ZFYVE28: variants seen among roughly 807,000 people sequenced by gnomAD.
The protein encoded by ZFYVE28 is zinc finger FYVE-type containing 28.
A neutral mutation model predicts 82.1 loss-of-function variants in ZFYVE28; 40 were observed. The observed-to-expected ratio is 0.49, with a 90% confidence interval of 0.38 to 0.63. The LOEUF (loss-of-function observed/expected upper bound fraction) is 0.63. ZFYVE28 is among the 30% of genes least tolerant of loss of function. The pLI is 0.00. For synonymous variants in ZFYVE28, 612 were observed against 546.1 expected, an observed-to-expected ratio of 1.12 and a Z score of -1.68; for missense variants, 1,321 against 1,242.1, an observed-to-expected ratio of 1.06 and a Z score of -0.96.
At chr4:2,302,626 G>T (rs1420244333) in intron 8 of ZFYVE28, among the ~76,000 whole-genome samples, 1 of 152,202 alleles carries the variant, frequency 6.6e-6, no homozygotes, top group African/African-American at 2.4e-5. Context: ...CGCTCACAGG[G>T]ATCCACCCAG....
At chr4:2,273,400 G>A (rs1017494729) in intron 9 of ZFYVE28, 111 bp from the exon 10 acceptor site, 9 of 909,420 alleles carry the variant, frequency 9.9e-6, no homozygotes, top group African/African-American at 3.3e-5. Context: ...CCAGGCCAGC[G>A]TGTTCTCAGA....
At chr4:2,284,100 C>G (rs953293096) in intron 8 of ZFYVE28, among the ~76,000 whole-genome samples, 2 of 152,180 alleles carry the variant, frequency 1.3e-5, no homozygotes, top group African/African-American at 4.8e-5. Flanking sequence ...TTGGAGCCCC[C>G]GCATCCACAT....
At chr4:2,403,902 G>C (rs1393070015) in intron 1 of ZFYVE28, among the ~76,000 whole-genome samples, 1 of 151,622 alleles carries the variant, frequency 6.6e-6, no homozygotes, top group Non-Finnish European at 1.5e-5. Flanking sequence ...CCGAGAGGCA[G>C]AGGTTGCAGC....
intron 1 of ZFYVE28, among the ~76,000 whole-genome samples, chr4:2,395,431 G>A (rs1466505871): frequency 1.3e-5 from 2 of 152,208 alleles, no homozygotes; most frequent in African/African-American, 4.8e-5. Context: ...CCCTTCATAA[G>A]CCCCAGGGGG....
chr4:2,297,871 G>C (rs1455895817), intron 8 of ZFYVE28, among the ~76,000 whole-genome samples: 1 of 140,122 alleles, frequency 7.1e-6, no homozygotes, highest in Non-Finnish European at 1.5e-5. Context: ...TGGGAGGAAC[G>C]GCAGAGGACG....
chr4:2,403,438 C>T (rs1213956960), intron 1 of ZFYVE28, among the ~76,000 whole-genome samples: 2 of 152,254 alleles, frequency 1.3e-5, no homozygotes. Context: ...CCTGGCCATC[C>T]CTGGATCGTG....
chr4:2,351,523 G>A (rs1724441442), intron 2 of ZFYVE28, among the ~76,000 whole-genome samples: 1 of 152,164 alleles, frequency 6.6e-6, no homozygotes, highest in South Asian at 2.1e-4. Context: ...AGACCAGCCT[G>A]GCCAACATGG....
chr4:2,336,562 G>GCC (rs60047777), intron 5 of ZFYVE28, among the ~76,000 whole-genome samples: 57 of 151,568 alleles, frequency 3.8e-4, no homozygotes, highest in African/African-American at 1.0e-3. Flanking sequence ...GCTTCCCCCT[G>GCC]CCCCCCCCAC....
chr4:2,300,416 T>A lies in ZFYVE28; in HGVS notation c.2051+3873A>T, dbSNP rs1199079084. On this transcript the variant is annotated intron_variant, in intron 8 of 12. Transcript: ENST00000290974. The surrounding 1 kb of genome is among the most constrained non-coding windows in gnomAD (Gnocchi z 4.6). ...GAAGGTCGGAAAGAAGCCAGTAAAA[T>A]GAAAAGAGCTGAAGGGCGTAGGTTC... 1.3e-5 allele frequency among the ~76,000 whole-genome samples: 2 copies of A among 151,710 alleles called. No individual in the cohort carries two copies. Among genetic ancestry groups the A allele is most frequent in the Admixed American group, 1.3e-4 (2 of 15,240 alleles).
chr4:2,321,013 C>G (rs979198309), intron 6 of ZFYVE28, among the ~76,000 whole-genome samples: 2 of 152,078 alleles, frequency 1.3e-5, no homozygotes, highest in Non-Finnish European at 2.9e-5. Context: ...TCCGAGTGTG[C>G]CTTGATCATC....
At chr4:2,303,048 C>A (rs1364174509) in intron 8 of ZFYVE28, among the ~76,000 whole-genome samples, 2 of 152,204 alleles carry the variant, frequency 1.3e-5, no homozygotes, top group Non-Finnish European at 2.9e-5. Flanking sequence ...AGAGGCGAAC[C>A]CATCGATGGA....
chr4:2,373,151 C>T (rs537800635), intron 1 of ZFYVE28, among the ~76,000 whole-genome samples: 1 of 152,246 alleles, frequency 6.6e-6, no homozygotes, highest in East Asian at 1.9e-4. Context: ...AGAGAGTGAC[C>T]ATGTCTGATA....
intron 1 of ZFYVE28, among the ~76,000 whole-genome samples, chr4:2,391,455 CTT>C (rs140103966): frequency 6.8e-5 from 8 of 117,166 alleles, no homozygotes; most frequent in Non-Finnish European, 8.4e-5. Flanking sequence ...GGTCAATTAT[CTT>C]TTTTTTTTTT....
rs556886709 is a variant in ZFYVE28, at chr4:2,321,533, C to A, written c.702-1262G>T. Among the ~76,000 whole-genome samples the A allele has an allele frequency of 3.9e-5, 6 of 152,164 alleles. 1 individual carries two copies. In the East Asian group the frequency reaches 1.2e-3, roughly 30 times the overall value. ...GTGGGTGAGGGGACAGCACAACCAG[C>A]CTTCCATTCTGCTTGGTCTCCTTTG... On this transcript the variant is annotated intron_variant, in intron 6 of 12. Coordinates refer to ENST00000290974, the MANE Select transcript of ZFYVE28 (RefSeq NM_020972.3).
At chr4:2,350,980 A>T (rs1190105234) in intron 2 of ZFYVE28, among the ~76,000 whole-genome samples, 1 of 152,180 alleles carries the variant, frequency 6.6e-6, no homozygotes, top group Non-Finnish European at 1.5e-5. Flanking sequence ...AGAACCATAA[A>T]CGAAGTGTTT....
chr4:2,304,683 T>C lies in ZFYVE28; in HGVS notation c.1657A>G (p.Ser553Gly). The C allele has an allele frequency of 6.2e-7, 1 of 1,612,628 alleles. No individual in the cohort carries two copies. The highest frequency in any genetic ancestry group is 8.5e-7 in the Non-Finnish European group (1 of 1,179,884). Residue 553 changes from serine (S) to glycine (G), a missense_variant, in exon 8 of 13, where the codon AGC (serine) becomes GGC (glycine). Coordinates refer to ENST00000290974, the MANE Select transcript of ZFYVE28 (RefSeq NM_020972.3). ...EGMDGGPHKL[S>G]TGATNCLLHS... is the part of the protein sequence containing the mutation. ...AGAAGGCAGTTGGTGGCCCCAGTGC[T>C]AAGCTTGTGGGGGCCGCCATCCATC...
Position 2,341,470 on chromosome 4 carries a change from C to T in ZFYVE28, c.318+8G>A, listed in dbSNP as rs893116465. On this transcript the variant is annotated splice_region_variant and intron_variant, in intron 3 of 12. Transcript: ENST00000290974. This position sits in a 1 kb window ranked among gnomAD's most constrained non-coding sequence, Gnocchi z 4.5. ...CAGGACCTCCGAACCCGGGTGGCCA[C>T]CCGCTACCTCGGCACCGAACCACAG... 6.2e-7 allele frequency: 1 copy of T among 1,612,560 alleles called. No homozygotes were observed. Among genetic ancestry groups the T allele is most frequent in the Non-Finnish European group, 8.5e-7 (1 of 1,179,904 alleles).
chr4:2,328,690 G>C (rs1194005055), intron 6 of ZFYVE28: 1 of 153,318 alleles, frequency 6.5e-6, no homozygotes, highest in Admixed American at 6.6e-5. Context: ...ATTATAAAAA[G>C]AAAAAAAAAT....
chr4:2,331,095 G>A (rs1357280065), intron 6 of ZFYVE28: 1 of 532,320 alleles, frequency 1.9e-6, no homozygotes, highest in African/African-American at 2.2e-5. Flanking sequence ...TGGAAGGAGG[G>A]GGCTGGGGAG....
Sources: allele counts gnomAD v4.1 joint callset (sites outside exome capture counted in the v4.1 genomes callset), GRCh38; gene constraint gnomAD v4.1.1; non-coding constraint Gnocchi (gnomAD v3.1); transcripts MANE v1.5; gene names NCBI Gene and HGNC (gene_info 2026-07-23, HGNC 2026-07-21).